Variants in NCALD observed in about 807,000 individuals in gnomAD.
NCALD encodes neurocalcin-delta.
In NCALD, 10 loss-of-function variants were observed where a neutral mutation model predicts 18.6. That is an observed-to-expected ratio of 0.54 (90% confidence interval 0.33 to 0.91). NCALD has a LOEUF of 0.91. Ranked by LOEUF, NCALD falls within the 40% of genes least tolerant of loss-of-function variation. The probability of loss-of-function intolerance (pLI) is 0.03; values close to 1 mark genes in which losing one functional copy is unlikely to be tolerated. For synonymous variants in NCALD, 88 were observed against 87.4 expected (o/e 1.01, Z -0.04); for missense variants, 184 against 247.6 (o/e 0.74, Z 1.72).
At chr8:102,006,016 A>C (rs1305603814) in intron 2 of NCALD, among the ~76,000 whole-genome samples, 1 of 151,454 alleles carries the variant, frequency 6.6e-6, no homozygotes, top group African/African-American at 2.4e-5. Flanking sequence ...GTACCCTAAA[A>C]CTTAAAGTAT....
At chr8:101,773,669 G>A (rs1221838253) in intron 1 of NCALD, among the ~76,000 whole-genome samples, 1 of 152,150 alleles carries the variant, frequency 6.6e-6, no homozygotes, top group Non-Finnish European at 1.5e-5. Flanking sequence ...CCCCAGCAGT[G>A]GCATTTTATT....
chr8:101,811,463 G>A (rs561681845), intron 4 of NCALD, among the ~76,000 whole-genome samples: 47 of 152,274 alleles, frequency 3.1e-4, no homozygotes, highest in African/African-American at 1.0e-3. Context: ...CCATTTTGGA[G>A]CTCTGAACTC....
At chr8:101,728,941 G>A (rs1816694164) in intron 1 of NCALD, among the ~76,000 whole-genome samples, 1 of 152,238 alleles carries the variant, frequency 6.6e-6, no homozygotes, top group African/African-American at 2.4e-5. Flanking sequence ...TGTCTAGATT[G>A]TGGAGACACA....
At position 101,911,050 on chromosome 8, in the gene NCALD, T is replaced by C. The variant is rs76561082; in HGVS notation, c.-107+4759A>G. On this transcript the variant is annotated intron_variant, in intron 3 of 6. Coordinates refer to the NCALD transcript ENST00000311028. ...TTTCAAAAAAGACCCCTTTATTTAA[T>C]TCCTACAAAGAAAACAACCCCAAGG... 9.5e-3 allele frequency among the ~76,000 whole-genome samples: 1,444 copies of C among 152,306 alleles called. 8 individuals carry two copies. Among genetic ancestry groups the C allele is most frequent in the Non-Finnish European group, 0.014 (940 of 68,026 alleles).
intron 1 of NCALD, among the ~76,000 whole-genome samples, chr8:101,788,160 T>C (rs1242510116): frequency 6.6e-6 from 1 of 152,190 alleles, no homozygotes; most frequent in African/African-American, 2.4e-5. Flanking sequence ...TAAAATCCGA[T>C]GCGGTGGAAC....
chr8:101,692,483 A>G (rs1038505876), intron 3 of NCALD: 21 of 985,466 alleles, frequency 2.1e-5, no homozygotes, highest in Non-Finnish European at 2.5e-5. Flanking sequence ...GCCTGTCCCA[A>G]GGATGGGTCT....
intron 1 of NCALD, among the ~76,000 whole-genome samples, chr8:101,749,431 C>T (rs2130761419): frequency 6.6e-6 from 1 of 152,098 alleles, no homozygotes; most frequent in South Asian, 2.1e-4. Context: ...CCTCTGGAAC[C>T]CAGTCTGACA....
At chr8:101,789,581 T>C (rs759636042) in intron 1 of NCALD, among the ~76,000 whole-genome samples, 25 of 152,142 alleles carry the variant, frequency 1.6e-4, no homozygotes, top group Non-Finnish European at 2.8e-4. Flanking sequence ...AACATAAAAA[T>C]TAAAACAATA....
At chr8:101,932,158 T>G (rs1437719530) in intron 2 of NCALD, among the ~76,000 whole-genome samples, 1 of 152,126 alleles carries the variant, frequency 6.6e-6, no homozygotes, top group Non-Finnish European at 1.5e-5. Flanking sequence ...GCTCTGCCAG[T>G]TGTGTCCAGG....
rs372763010 is a variant in NCALD at position 101,766,799 on chromosome 8, G to A, written c.-20+24063C>T. ...TCATCATGTTGGCCAGGCTGGTCTC[G>A]AACTTCTGACCTCAGGTGATCCGCC... On this transcript the variant is annotated intron_variant, in intron 1 of 3. Coordinates refer to ENST00000220931, the MANE Select transcript of NCALD (RefSeq NM_032041.3). 8.5e-5 allele frequency among the ~76,000 whole-genome samples: 13 copies of A among 152,122 alleles called. No individual in the cohort carries two copies. In the East Asian group the frequency reaches 1.9e-3, roughly 23 times the overall value.
In NCALD at chr8:101,879,333, C is replaced by G. The variant is rs144118757; in HGVS notation, c.-20+7808G>C. 5.7e-3 allele frequency among the ~76,000 whole-genome samples: 861 copies of G among 152,288 alleles called. 10 individuals are homozygous for G. The highest frequency in any genetic ancestry group is 0.037 in the Middle Eastern group (11 of 294). ...TTGGTCCTTCTGCTGGGTTCGTGGT[C>G]TCACTGACTTCAGCAGTGAAGCTGC... is the stretch of plus-strand genomic sequence containing the variant. On this transcript the variant is annotated intron_variant, in intron 4 of 6. Transcript: ENST00000311028.
rs548067968 is a variant in NCALD, at chr8:102,005,025, C to G, written c.-157+15212G>C. ...CAATGGCAGCAAAAGCCAAAATTGACAAATGGGATCTAATGAAACTAAAGA... is the reference window on the plus strand; with the variant it reads ...CAATGGCAGCAAAAGCCAAAATTGAGAAATGGGATCTAATGAAACTAAAGA... On this transcript the variant is annotated intron_variant, in intron 2 of 6. Transcript: ENST00000311028. Among the ~76,000 whole-genome samples, 48 of 152,282 alleles carry G rather than the reference C, an allele frequency of 3.2e-4. 1 individual carries two copies. Among genetic ancestry groups the G allele is most frequent in the African/African-American group, 7.2e-4 (30 of 41,554 alleles).
chr8:102,110,930 G>T (rs899230419), intron 1 of NCALD, among the ~76,000 whole-genome samples: 2 of 151,386 alleles, frequency 1.3e-5, no homozygotes, highest in Admixed American at 6.6e-5. Flanking sequence ...AAAGATTGCA[G>T]AATAAAAGAT....
intron 4 of NCALD, among the ~76,000 whole-genome samples, chr8:101,806,369 A>G (rs1813101709): frequency 6.6e-6 from 1 of 152,184 alleles, no homozygotes; most frequent in Non-Finnish European, 1.5e-5. Flanking sequence ...ACTATCTGTG[A>G]GATGATTTAG....
chr8:102,100,671 G>A (rs778072097), intron 1 of NCALD, among the ~76,000 whole-genome samples: 7 of 152,222 alleles, frequency 4.6e-5, no homozygotes, highest in Non-Finnish European at 8.8e-5. Context: ...CAACAGATGA[G>A]TGGATAAACA....
chr8:101,904,008 G>A (rs1454248754), intron 3 of NCALD, among the ~76,000 whole-genome samples: 1 of 152,196 alleles, frequency 6.6e-6, no homozygotes, highest in Non-Finnish European at 1.5e-5. Context: ...GCTCCTGTAG[G>A]ACTAGGGATG....
At chr8:101,868,818 AT>A (rs1287657551) in intron 4 of NCALD, among the ~76,000 whole-genome samples, 7 of 152,244 alleles carry the variant, frequency 4.6e-5, no homozygotes, top group African/African-American at 1.7e-4. Flanking sequence ...GAGCCACTGC[AT>A]GGCCCGCTCC....
intron 1 of NCALD, among the ~76,000 whole-genome samples, chr8:101,739,346 C>A (rs1810084716): frequency 1.3e-5 from 2 of 152,170 alleles, no homozygotes; most frequent in South Asian, 4.1e-4. Context: ...ACTTGCAATT[C>A]TAATATACTA....
chr8:101,921,150 A>G (rs1485854774), intron 2 of NCALD, among the ~76,000 whole-genome samples: 2 of 152,142 alleles, frequency 1.3e-5, no homozygotes, highest in East Asian at 3.9e-4. Flanking sequence ...TCTGACATAA[A>G]AAGTGCATTT....
Sources: gnomAD v4.1 joint callset for allele counts (sites outside exome capture counted in the v4.1 genomes callset) on GRCh38, gnomAD v4.1.1 for gene constraint, MANE v1.5 for transcripts, NCBI Gene and HGNC (gene_info 2026-07-23, HGNC 2026-07-21) for gene names.